The following KPNA5 variants were observed in gnomAD, a reference collection of about 807,000 sequenced individuals.
KPNA5 encodes importin subunit alpha-6.
In KPNA5, 46 loss-of-function variants were observed where a neutral mutation model predicts 71.3. The ratio of observed to expected loss-of-function variants is 0.65; its 90% confidence interval spans 0.51 to 0.83. KPNA5 has a LOEUF of 0.83. Ranked by LOEUF, KPNA5 falls within the 40% of genes least tolerant of loss-of-function variation. The probability of loss-of-function intolerance (pLI) is 0.00; values close to 1 mark genes in which losing one functional copy is unlikely to be tolerated. For missense variants in KPNA5, 547 were observed against 628.3 expected, an observed-to-expected ratio of 0.87 and a Z score of 1.38; for synonymous variants, 207 against 201.4, an observed-to-expected ratio of 1.03 and a Z score of -0.24.
At chr6:116,681,538 G>A (rs1261952084) in intron 1 of KPNA5, 200 bp downstream of exon 1, 2 of 1,347,682 alleles carry the variant, frequency 1.5e-6, no homozygotes, top group East Asian at 3.2e-5. Context: ...TTTCCCTTGC[G>A]GACGCGAAGG....
At chr6:116,709,480 A>G (rs1353655320) in intron 7 of KPNA5, among the ~76,000 whole-genome samples, 1 of 152,204 alleles carries the variant, frequency 6.6e-6, no homozygotes, top group African/African-American at 2.4e-5. Context: ...GCTTGTGAAT[A>G]GTCATTGCAC....
rs910124092 is a variant in KPNA5, at chr6:116,733,005, G to T, written c.*682G>T. 5.3e-5 allele frequency: 8 copies of T among 151,662 alleles called. No individual in the cohort carries two copies. The highest frequency in any genetic ancestry group is 1.9e-4 in the African/African-American group (8 of 41,384). 9.4% of individuals were successfully genotyped at this position (151,662 alleles called of 1,614,324 possible). A position where few individuals can be genotyped will look rare whatever the true frequency, so the allele number is the denominator to read the frequency against. On this transcript the variant is annotated 3_prime_UTR_variant, in exon 14 of 14. Transcript: ENST00000368564. ...TTTTTCATGTTGAACACATTAAAAA[G>T]ATTACTTTATAAAATGTTTAAATAT...
chr6:116,721,349 C>T, intron 8 of KPNA5, among the ~76,000 whole-genome samples: 1 of 151,874 alleles, frequency 6.6e-6, no homozygotes, highest in South Asian at 2.1e-4. Flanking sequence ...GATCGGGTTT[C>T]TCCATGTTGG....
intron 7 of KPNA5, among the ~76,000 whole-genome samples, chr6:116,706,449 G>A (rs1778438354): frequency 6.6e-6 from 1 of 152,166 alleles, no homozygotes; most frequent in African/African-American, 2.4e-5. Flanking sequence ...CAGCACCCTG[G>A]GAGGCCAAGG....
Position 116,735,397 on chromosome 6 carries a change from G to A in KPNA5, c.*3074G>A, listed in dbSNP as rs1779636660. On this transcript the variant is annotated 3_prime_UTR_variant, in exon 14 of 14. Transcript: ENST00000368564. ...CAATCTACTGGCTGCTTGCGAAACTGTGAAATCAAATTGTTCTTAACCTTT... is the reference window on the plus strand; with the variant it reads ...CAATCTACTGGCTGCTTGCGAAACTATGAAATCAAATTGTTCTTAACCTTT... The A allele has an allele frequency of 6.6e-6, 1 of 151,642 alleles. No individual in the cohort carries two copies. 9.4% of individuals were successfully genotyped at this position (151,642 alleles called of 1,614,324 possible). A position where few individuals can be genotyped will look rare whatever the true frequency, so the allele number is the denominator to read the frequency against.
chr6:116,726,425 C>A, intron 11 of KPNA5, 70 bp from the exon 12 acceptor site: 8 of 1,292,316 alleles, frequency 6.2e-6, no homozygotes, highest in Non-Finnish European at 8.4e-6. Flanking sequence ...CATTGAGTTT[C>A]AAGATTTTTT....
Position 116,705,054 on chromosome 6 carries a change from A to ATT in KPNA5, c.568-8_568-7dup, listed in dbSNP as rs2243366. On this transcript the variant is annotated splice_polypyrimidine_tract_variant and intron_variant, in intron 6 of 13. Coordinates refer to ENST00000368564, the MANE Select transcript of KPNA5 (RefSeq NM_001366306.2). ...TAATTTAAAATATTGTCTTAAGATA[A>ATT]TTTTTTTTTTTCCTAAGGCTGTTTG... The ATT allele has an allele frequency of 4.0e-5, 50 of 1,242,186 alleles. No individual in the cohort carries two copies. Among genetic ancestry groups the ATT allele is most frequent in the African/African-American group, 7.6e-5 (5 of 65,830 alleles). 76.9% of individuals were successfully genotyped at this position (1,242,186 alleles called of 1,614,324 possible).
In KPNA5 at chr6:116,692,099, T is replaced by C; in HGVS notation, c.183T>C (p.Ser61=). The change falls in exon 3 of 14, where the codon TCT becomes TCC. Residue 61 remains serine, a synonymous_variant. Transcript: ENST00000368564. ...TCTATTTGCCCAGAAATGATGAATCTATGCTTGAAAGTCCTATACAGGATC... is the reference window on the plus strand; with the variant it reads ...TCTATTTGCCCAGAAATGATGAATCCATGCTTGAAAGTCCTATACAGGATC... ...RNVYLPRNDE[S]MLESPIQDPD... 6.2e-7 allele frequency: 1 copy of C among 1,613,152 alleles called. No individual in the cohort carries two copies. Among genetic ancestry groups the C allele is most frequent in the Non-Finnish European group, 8.5e-7 (1 of 1,179,344 alleles).
At chr6:116,682,811 G>A (rs1338417044) in intron 1 of KPNA5, among the ~76,000 whole-genome samples, 1 of 152,180 alleles carries the variant, frequency 6.6e-6, no homozygotes, top group African/African-American at 2.4e-5. Flanking sequence ...TGAGACCTCA[G>A]CCTTTGAAGT....
chr6:116,721,427 A>G lies in KPNA5; in HGVS notation c.757-699A>G, dbSNP rs564477387. 2.0e-5 allele frequency among the ~76,000 whole-genome samples: 3 copies of G among 152,260 alleles called. No individual in the cohort carries two copies. In the East Asian group the frequency reaches 5.8e-4, roughly 29 times the overall value. ...CTCGGCCTCCCAAAGTGCTGAGATTACAGGCATGAGCCACCGTGCCCAGCT... is the reference window on the plus strand; with the variant it reads ...CTCGGCCTCCCAAAGTGCTGAGATTGCAGGCATGAGCCACCGTGCCCAGCT... On this transcript the variant is annotated intron_variant, in intron 8 of 13. Coordinates refer to ENST00000368564, the MANE Select transcript of KPNA5 (RefSeq NM_001366306.2).
intron 7 of KPNA5, among the ~76,000 whole-genome samples, chr6:116,706,488 G>A (rs570895606): frequency 1.3e-5 from 2 of 151,900 alleles, no homozygotes; most frequent in Non-Finnish European, 2.9e-5. Context: ...TCAGGAGTTC[G>A]AGACCAGCCT....
Position 116,732,281 on chromosome 6 carries a change from A to G in KPNA5, c.1578A>G (p.Ile526Met), listed in dbSNP as rs201316236. ...TGGATGAAAACCAACAACAGTTTAT[A>G]TTTCAGCAGCAGGAAGCACCAATGG... Reference protein sequence around the residue: ...PQVDENQQQFIFQQQEAPMDG... With the variant: ...PQVDENQQQFMFQQQEAPMDG... The change falls in exon 14 of 14, where the codon ATA becomes ATG. Residue 526 changes from isoleucine to methionine, a missense_variant. Transcript: ENST00000368564. The G allele has an allele frequency of 7.2e-6, 11 of 1,534,286 alleles. No homozygotes were observed. The highest frequency in any genetic ancestry group is 9.7e-6 in the Non-Finnish European group (11 of 1,137,912).
In KPNA5 at chr6:116,693,057, A is replaced by G. The variant is rs537949168; in HGVS notation, c.340+665A>G. ...AGCTTCATCCATGTCCCTACAAAGGACATGAACTCATCCTTTTTTATGGCT... is the reference window on the plus strand; with the variant it reads ...AGCTTCATCCATGTCCCTACAAAGGGCATGAACTCATCCTTTTTTATGGCT... On this transcript the variant is annotated intron_variant, in intron 4 of 13. Transcript: ENST00000368564. Among the ~76,000 whole-genome samples the G allele has an allele frequency of 2.5e-4, 38 of 152,308 alleles. No homozygotes were observed. The East Asian group carries it at 7.1e-3, about 29-fold the overall frequency.
At chr6:116,691,104 C>T (rs575667619) in intron 2 of KPNA5, among the ~76,000 whole-genome samples, 2 of 152,270 alleles carry the variant, frequency 1.3e-5, no homozygotes, top group East Asian at 1.9e-4. Flanking sequence ...TGGCGCACGC[C>T]TATAATCCCA....
At position 116,692,341 on chromosome 6, in the gene KPNA5, G is replaced by A; in HGVS notation, c.289G>A (p.Ala97Thr). The A allele has an allele frequency of 6.2e-7, 1 of 1,605,770 alleles. No homozygotes were observed. Among genetic ancestry groups the A allele is most frequent in the South Asian group, 1.1e-5 (1 of 88,110 alleles). Residue 97 changes from alanine (A) to threonine (T), a missense_variant, in exon 4 of 14, where the codon GCT (alanine) becomes ACT (threonine). Ala to Thr is a moderately conservative substitution (Grantham distance 58). Transcript: ENST00000368564. The stretch of plus-strand genomic sequence containing the variant: ...GGTTCAGATGATTTTTTCTAATAAT[G>A]CTGATCAACAGCTAACAGCAACACA... ...DMVQMIFSNNADQQLTATQKF... is the reference protein window; with the variant it reads ...DMVQMIFSNNTDQQLTATQKF...
intron 8 of KPNA5, among the ~76,000 whole-genome samples, chr6:116,717,884 TG>T (rs1778950149): frequency 6.7e-6 from 1 of 148,856 alleles, no homozygotes; most frequent in Admixed American, 6.6e-5. Flanking sequence ...TCCAATAGTG[TG>T]CCCCCCCCAC....
chr6:116,700,157 T>G (rs1217440091), intron 5 of KPNA5, among the ~76,000 whole-genome samples: 1 of 152,118 alleles, frequency 6.6e-6, no homozygotes, highest in Non-Finnish European at 1.5e-5. Flanking sequence ...GTTTAGAGGA[T>G]AGCGTGTGTA....
rs1386198639 is a variant in KPNA5 at position 116,705,422 on chromosome 6, A to G, written c.656+262A>G. ...ATAATTATTCTGCAAAAACAAGGAT[A>G]TATAGTAGTTTATAATACAATAAAA... On this transcript the variant is annotated intron_variant, in intron 7 of 13. Coordinates refer to ENST00000368564, the MANE Select transcript of KPNA5 (RefSeq NM_001366306.2). 2.0e-5 allele frequency among the ~76,000 whole-genome samples: 3 copies of G among 152,218 alleles called. No individual in the cohort carries two copies. The South Asian group carries it at 6.2e-4, about 31-fold the overall frequency.
chr6:116,725,450 G>A (rs111508709), intron 10 of KPNA5, among the ~76,000 whole-genome samples: 69 of 152,036 alleles, frequency 4.5e-4, no homozygotes, highest in African/African-American at 1.6e-3. Flanking sequence ...TCCTGACCTC[G>A]GTCACCAAAT....
Sources: allele counts gnomAD v4.1 joint callset (sites outside exome capture counted in the v4.1 genomes callset), GRCh38; gene constraint gnomAD v4.1.1; transcripts MANE v1.5; gene names NCBI Gene and HGNC (gene_info 2026-07-23, HGNC 2026-07-21).